The following PPP3CA variants were observed in gnomAD, a reference collection of about 807,000 sequenced individuals.
The protein encoded by PPP3CA is CAM-PRP catalytic subunit.
PPP3CA carries 14 observed loss-of-function variants against 66.5 expected under a neutral mutation model. That is an observed-to-expected ratio of 0.21 (90% CI 0.14 to 0.33). The LOEUF (loss-of-function observed/expected upper bound fraction) is 0.33, where lower values mean the gene tolerates loss of function less well. Among genes scored for constraint, PPP3CA ranks in the 10% least tolerant of loss-of-function variants. The probability of loss-of-function intolerance (pLI) is 1.00; values close to 1 mark genes in which losing one functional copy is unlikely to be tolerated. For synonymous variants in PPP3CA, 232 were observed against 226.2 expected (o/e 1.03, Z -0.23); for missense variants, 317 against 639.5 (o/e 0.50, Z 5.44).
chr4:101,280,549 G>A (rs1727646143), intron 1 of PPP3CA, among the ~76,000 whole-genome samples: 1 of 152,160 alleles, frequency 6.6e-6, no homozygotes, highest in Admixed American at 6.5e-5. Context: ...ACCAGGTGTG[G>A]TGGCTCATGC....
At chr4:101,290,281 A>C (rs1437128561) in intron 1 of PPP3CA, among the ~76,000 whole-genome samples, 1 of 152,172 alleles carries the variant, frequency 6.6e-6, no homozygotes, top group Non-Finnish European at 1.5e-5. Flanking sequence ...GTTTGACTTT[A>C]TCTGGTGCAG....
At chr4:101,298,453 T>G (rs754141313) in intron 1 of PPP3CA, among the ~76,000 whole-genome samples, 3 of 151,802 alleles carry the variant, frequency 2.0e-5, no homozygotes, top group Non-Finnish European at 2.9e-5. Flanking sequence ...TATGCATGCC[T>G]CCCCTGCCAC....
intron 8 of PPP3CA, among the ~76,000 whole-genome samples, chr4:101,068,018 A>G (rs1347406870): frequency 6.6e-6 from 1 of 152,094 alleles, no homozygotes; most frequent in Non-Finnish European, 1.5e-5. Flanking sequence ...CATTCTTCAC[A>G]CCACTAGTCC....
intron 2 of PPP3CA, among the ~76,000 whole-genome samples, chr4:101,129,246 G>A (rs1026212857): frequency 1.3e-5 from 2 of 152,302 alleles, no homozygotes; most frequent in Non-Finnish European, 2.9e-5. Context: ...AGCAGCCCCA[G>A]TCAGGGGCTT....
chr4:101,324,358 C>G (rs1316760427), intron 1 of PPP3CA, among the ~76,000 whole-genome samples: 2 of 152,120 alleles, frequency 1.3e-5, no homozygotes, highest in Non-Finnish European at 2.9e-5. Context: ...CCATATGCAA[C>G]TAAAGGTAAG....
At position 101,347,016 on chromosome 4, in the gene PPP3CA, C is replaced by A; in HGVS notation, c.-220G>T. On this transcript the variant is annotated 5_prime_UTR_variant, in exon 1 of 14. Transcript: ENST00000394854. ...GCCTTCACTCCTCCTCCGCCGCTGCCGCCAGCCCCGCCGACTCGCTCCGGG... is the reference window on the plus strand; with the variant it reads ...GCCTTCACTCCTCCTCCGCCGCTGCAGCCAGCCCCGCCGACTCGCTCCGGG... The A allele has an allele frequency of 1.7e-6, 1 of 596,884 alleles. No homozygotes were observed. Among genetic ancestry groups the A allele is most frequent in the Non-Finnish European group, 2.9e-6 (1 of 342,166 alleles). The allele number at this position is 596,884 out of a possible 1,614,324, so 37.0% of individuals were successfully genotyped here.
At chr4:101,272,406 G>T (rs1727363958) in intron 1 of PPP3CA, among the ~76,000 whole-genome samples, 1 of 152,108 alleles carries the variant, frequency 6.6e-6, no homozygotes, top group East Asian at 1.9e-4. Context: ...AAATTCCAGA[G>T]ACATAATGCC....
chr4:101,182,032 G>C (rs1461964758), intron 2 of PPP3CA, among the ~76,000 whole-genome samples: 3 of 151,882 alleles, frequency 2.0e-5, no homozygotes, highest in Non-Finnish European at 2.9e-5. Context: ...CTATTTCTAG[G>C]ACAATAAAAC....
chr4:101,171,782 T>A (rs1026359384), intron 2 of PPP3CA, among the ~76,000 whole-genome samples: 1 of 152,186 alleles, frequency 6.6e-6, no homozygotes, highest in African/African-American at 2.4e-5. Flanking sequence ...ATGTCTCTAG[T>A]TTTCCTCTGT....
intron 11 of PPP3CA, among the ~76,000 whole-genome samples, chr4:101,037,473 A>T (rs577002725): frequency 1.1e-4 from 16 of 152,292 alleles, no homozygotes; most frequent in African/African-American, 3.9e-4. Context: ...CACATTCATT[A>T]ATCACGTCCT....
At chr4:101,257,847 C>T (rs1726894937) in intron 1 of PPP3CA, among the ~76,000 whole-genome samples, 1 of 152,208 alleles carries the variant, frequency 6.6e-6, no homozygotes, top group East Asian at 1.9e-4. Flanking sequence ...TCAATGTGGA[C>T]AATTCTAAAG....
At position 101,185,826 on chromosome 4, in the gene PPP3CA, AGGCTGTGGAC is replaced by A. The variant is rs377377799; in HGVS notation, c.259+10080_259+10089del. 2.3e-3 allele frequency among the ~76,000 whole-genome samples: 345 copies of A among 152,328 alleles called. 4 individuals are homozygous for A. Among genetic ancestry groups the A allele is most frequent in the African/African-American group, 7.8e-3 (323 of 41,590 alleles). ...TCATGGCCTTAGAACCAAGAACTCC[AGGCTGTGGAC>A]AGCCTAAGTCTATGACCCTGGGCAA... is the stretch of plus-strand genomic sequence containing the variant. On this transcript the variant is annotated intron_variant, in intron 2 of 13. Coordinates refer to ENST00000394854, the MANE Select transcript of PPP3CA (RefSeq NM_000944.5).
At chr4:101,040,432 G>C in intron 11 of PPP3CA, 50 bp downstream of exon 11, 1 of 1,248,248 alleles carries the variant, frequency 8.0e-7, no homozygotes, top group Non-Finnish European at 1.1e-6. Flanking sequence ...GTATTTATTA[G>C]GTGACACATA....
intron 1 of PPP3CA, among the ~76,000 whole-genome samples, chr4:101,229,002 C>T (rs1226303691): frequency 6.6e-6 from 1 of 151,600 alleles, no homozygotes; most frequent in Non-Finnish European, 1.5e-5. Flanking sequence ...TGTCACTCTA[C>T]TTAGCACTAA....
At chr4:101,088,368 G>A (rs983500158) in intron 6 of PPP3CA, among the ~76,000 whole-genome samples, 3 of 151,872 alleles carry the variant, frequency 2.0e-5, no homozygotes, top group Non-Finnish European at 4.4e-5. Context: ...GGTGGATCAC[G>A]AGGTCAGGAG....
At chr4:101,268,311 C>T (rs1158819049) in intron 1 of PPP3CA, among the ~76,000 whole-genome samples, 1 of 152,090 alleles carries the variant, frequency 6.6e-6, no homozygotes, top group African/African-American at 2.4e-5. Context: ...TGCACCTAAT[C>T]ATCGGTGAGA....
At chr4:101,206,999 A>G (rs985935070) in intron 1 of PPP3CA, among the ~76,000 whole-genome samples, 1 of 152,228 alleles carries the variant, frequency 6.6e-6, no homozygotes, top group Non-Finnish European at 1.5e-5. Flanking sequence ...GTAGACAGAC[A>G]GATGTGATCA....
intron 2 of PPP3CA, among the ~76,000 whole-genome samples, chr4:101,122,562 AAAG>A (rs2110274379): frequency 6.6e-6 from 1 of 152,334 alleles, no homozygotes; most frequent in East Asian, 1.9e-4. Flanking sequence ...TGACATTATC[AAAG>A]AAGACTTAAC....
chr4:101,042,811 T>C (rs1727587265), intron 10 of PPP3CA, among the ~76,000 whole-genome samples: 1 of 133,382 alleles, frequency 7.5e-6, no homozygotes, highest in South Asian at 2.1e-4. Flanking sequence ...TTCTTTTTTT[T>C]TTTTTTTTTT....
Sources: gnomAD v4.1 joint callset for allele counts (sites outside exome capture counted in the v4.1 genomes callset) on GRCh38, gnomAD v4.1.1 for gene constraint, MANE v1.5 for transcripts, NCBI Gene and HGNC (gene_info 2026-07-23, HGNC 2026-07-21) for gene names.